The following PAX6 variants were observed in gnomAD, a reference collection of about 807,000 sequenced individuals.
PAX6 encodes the protein paired box 6.
A neutral mutation model predicts 60.7 loss-of-function variants in PAX6; 7 were observed. The observed-to-expected ratio is 0.12, with a 90% CI of 0.07 to 0.22. PAX6 has a LOEUF of 0.22. Ranked by LOEUF, PAX6 falls within the 10% of genes least tolerant of loss-of-function variation. The pLI is 1.00. For missense variants in PAX6, 355 were observed against 555.2 expected (o/e 0.64, Z 3.62); for synonymous variants, 208 against 201.2 (o/e 1.03, Z -0.29).
In PAX6 at chr11:31,800,679, C is replaced by G; in HGVS notation, c.565+12G>C. The stretch of plus-strand genomic sequence containing the variant: ...ATATGGAGAGCTGCGTGGATGGCTG[C>G]TTGGGTTTTACCTTGCGTAGGTTGC... On this transcript the variant is annotated intron_variant, in intron 8 of 13. Transcript: ENST00000640368. 3 of 1,614,004 alleles carry G rather than the reference C, an allele frequency of 1.9e-6. No homozygotes were observed. The highest frequency in any genetic ancestry group is 2.5e-6 in the Non-Finnish European group (3 of 1,179,964).
At chr11:31,817,668 T>C (rs1233031050) in intron 1 of PAX6, 1 of 152,184 alleles carries the variant, frequency 6.6e-6, no homozygotes. Flanking sequence ...CTCGCTTCCA[T>C]CTTTGTATGC....
At chr11:31,797,406 C>T (rs1415615161) in intron 8 of PAX6, among the ~76,000 whole-genome samples, 2 of 151,046 alleles carry the variant, frequency 1.3e-5, no homozygotes, top group Non-Finnish European at 2.9e-5. Context: ...CACGGGTTTA[C>T]ACAGGCAGCA....
chr11:31,809,382 G>A (rs953684868), intron 2 of PAX6: 6 of 152,136 alleles, frequency 3.9e-5, no homozygotes, highest in Non-Finnish European at 7.4e-5. Context: ...CGAGTTAAAC[G>A]TCCAGAATGG....
chr11:31,793,144 C>A, intron 12 of PAX6: 1 of 616,984 alleles, frequency 1.6e-6, no homozygotes, highest in Non-Finnish European at 2.9e-6. Context: ...TCCCTGGTAC[C>A]CAAAACATGC....
Position 31,794,039 on chromosome 11 carries a change from C to G in PAX6, c.800G>C (p.Arg267Thr). ...TGCACAGTCTCTCGGTACCTGTATT[C>G]TTGCTTCAGGTAGATCTATTTTGGC... is the stretch of plus-strand genomic sequence containing the variant. ...LAAKIDLPEARIQVWFSNRRA... is the reference protein window; with the variant it reads ...LAAKIDLPEATIQVWFSNRRA... Residue 267 changes from arginine (R) to threonine (T), a missense_variant, in exon 10 of 14, where the codon AGA (arginine) becomes ACA (threonine). Physicochemically the swap from Arg to Thr is moderately conservative, Grantham distance 71. This residue lies in a region of PAX6 where 17 missense variants were observed against 57.5 expected (regional missense o/e 0.30). Coordinates refer to ENST00000640368, the MANE Select transcript of PAX6 (RefSeq NM_001368894.2). 6.3e-7 allele frequency: 1 copy of G among 1,599,680 alleles called. No individual in the cohort carries two copies. Among genetic ancestry groups the G allele is most frequent in the Non-Finnish European group, 8.6e-7 (1 of 1,166,846 alleles).
At chr11:31,793,360 A>C in intron 12 of PAX6, 78 bp downstream of exon 12, 1 of 1,211,074 alleles carries the variant, frequency 8.3e-7, no homozygotes, top group Non-Finnish European at 1.2e-6. Context: ...AGACACAGCC[A>C]ATGAGGTCCG....
At chr11:31,792,436 G>A (rs1266313474) in intron 12 of PAX6, 1 of 152,202 alleles carries the variant, frequency 6.6e-6, no homozygotes, top group Non-Finnish European at 1.5e-5. Flanking sequence ...TTATTTTGCT[G>A]TTATTTGGAT....
intron 4 of PAX6, 99 bp from the exon 5 acceptor site, chr11:31,802,933 C>G (rs1008400622): frequency 1.7e-6 from 2 of 1,192,302 alleles, no homozygotes; most frequent in African/African-American, 3.0e-5. Context: ...TGAGGGAGAA[C>G]AAGAACAGAA....
intron 7 of PAX6, 85 bp downstream of exon 7, chr11:31,801,476 C>T: frequency 6.2e-7 from 1 of 1,605,542 alleles, no homozygotes. Flanking sequence ...GACTAAGAGA[C>T]AGTGGAGAGA....
chr11:31,810,341 G>C (rs983722559), intron 2 of PAX6: 8 of 152,322 alleles, frequency 5.3e-5, no homozygotes, highest in African/African-American at 1.4e-4. Context: ...GCGCTCCCTC[G>C]GCGAGTCCTC....
At chr11:31,794,888 G>A (rs1323283531) in intron 8 of PAX6, 100 bp from the exon 9 acceptor site, 8 of 1,106,112 alleles carry the variant, frequency 7.2e-6, no homozygotes, top group Middle Eastern at 2.1e-4. Flanking sequence ...ATTATATCCC[G>A]ACAGCCTCAC....
chr11:31,802,055 T>G (rs1381905913), intron 5 of PAX6, 143 bp from the exon 6 acceptor site: 1 of 744,748 alleles, frequency 1.3e-6, no homozygotes, highest in African/African-American at 1.8e-5. Flanking sequence ...TTTAAAAGCT[T>G]TTTTTAAAAA....
intron 8 of PAX6, 23 bp downstream of exon 8, chr11:31,800,668 G>T (rs769245189): frequency 7.4e-6 from 12 of 1,613,514 alleles, no homozygotes; most frequent in Non-Finnish European, 9.3e-6. Context: ...GGAGAGCTGC[G>T]TGGATGGCTG....
intron 12 of PAX6, chr11:31,791,183 T>G: frequency 2.4e-6 from 1 of 420,170 alleles, no homozygotes; most frequent in Non-Finnish European, 4.5e-6. Context: ...GAAGAACCTA[T>G]AGCATGAGGA....
At chr11:31,817,510 A>T (rs968550652) in intron 1 of PAX6, among the ~76,000 whole-genome samples, 1 of 152,250 alleles carries the variant, frequency 6.6e-6, no homozygotes, top group African/African-American at 2.4e-5. Flanking sequence ...AGCAGACAGC[A>T]GCAGCAGACT....
rs919486001 is a variant in PAX6 at position 31,802,728 on chromosome 11, C to A, written c.117G>T (p.Pro39=). The A allele has an allele frequency of 6.2e-7, 1 of 1,613,186 alleles. No individual in the cohort carries two copies. Among genetic ancestry groups the A allele is most frequent in the Admixed American group, 1.7e-5 (1 of 59,970 alleles). ...CCTGCAGAATTCGGGAAATGTCGCA[C>A]GGCCGGGCCCCGCTGTGAGCTAGCT... ...IVELAHSGAR[P]CDISRILQTH... is the part of the protein sequence containing the mutation. Residue 39 remains proline (P), a synonymous_variant, in exon 5 of 14, where the codon CCG becomes CCT. Coordinates refer to ENST00000640368, the MANE Select transcript of PAX6 (RefSeq NM_001368894.2).
chr11:31,799,988 C>A (rs1953089554), intron 8 of PAX6, among the ~76,000 whole-genome samples: 1 of 149,404 alleles, frequency 6.7e-6, no homozygotes, highest in Admixed American at 6.6e-5. Context: ...TTCCTCCAGC[C>A]CTTCTCACAG....
chr11:31,815,576 C>T (rs1261618730), upstream of PAX6, among the ~76,000 whole-genome samples: 1 of 152,012 alleles, frequency 6.6e-6, no homozygotes, highest in Non-Finnish European at 1.5e-5. Context: ...TCCAGGGAAC[C>T]GAAGCTAAGC....
At chr11:31,794,563 C>T (rs531732800) in intron 9 of PAX6, 67 bp downstream of exon 9, 1 of 1,531,140 alleles carries the variant, frequency 6.5e-7, no homozygotes, top group Non-Finnish European at 9.0e-7. Context: ...CTAAATTTAG[C>T]TCTTTGTACT....
Sources: allele counts gnomAD v4.1 joint callset (sites outside exome capture counted in the v4.1 genomes callset), GRCh38; gene constraint gnomAD v4.1.1; regional missense constraint gnomAD v4.1.1; transcripts MANE v1.5; gene names NCBI Gene and HGNC (gene_info 2026-07-23, HGNC 2026-07-21).